The following PACRG variants were observed in gnomAD, a reference collection of about 807,000 sequenced individuals.
PACRG encodes parkin coregulated, also known as parkin coregulated gene protein.
PACRG carries 29 observed loss-of-function variants against 29.7 expected under a neutral mutation model. The observed-to-expected ratio is 0.98, with a 90% CI of 0.73 to 1.33. The LOEUF is 1.33. Ranked by LOEUF, PACRG falls within the 40% of genes most tolerant of loss-of-function variation. PACRG has a pLI of 0.00. For synonymous variants in PACRG, 116 were observed against 118.7 expected (o/e 0.98, Z 0.15); for missense variants, 279 against 316.2 (o/e 0.88, Z 0.89).
intron 1 of PACRG, among the ~76,000 whole-genome samples, chr6:162,745,471 A>G (rs1297931076): frequency 6.6e-6 from 1 of 152,208 alleles, no homozygotes; most frequent in East Asian, 1.9e-4. Flanking sequence ...TGATAGGTGC[A>G]GCAAATCACC....
chr6:163,058,002 G>C (rs1157448874), intron 2 of PACRG, among the ~76,000 whole-genome samples: 2 of 152,074 alleles, frequency 1.3e-5, no homozygotes, highest in Non-Finnish European at 2.9e-5. Flanking sequence ...TGCCCTGTTA[G>C]AAAAGAAAAC....
chr6:162,786,334 A>G (rs550419653), intron 1 of PACRG, among the ~76,000 whole-genome samples: 60 of 152,312 alleles, frequency 3.9e-4, no homozygotes, highest in African/African-American at 1.4e-3. Context: ...AGCAGAGACT[A>G]ATTACTCTTA....
At chr6:162,896,699 T>A (rs145145189) in intron 2 of PACRG, among the ~76,000 whole-genome samples, 7 of 152,244 alleles carry the variant, frequency 4.6e-5, no homozygotes, top group Non-Finnish European at 7.3e-5. Context: ...TTTTCCTTTG[T>A]ATGACACAAT....
intron 4 of PACRG, among the ~76,000 whole-genome samples, chr6:163,150,975 G>A (rs1778061797): frequency 6.6e-6 from 1 of 152,132 alleles, no homozygotes; most frequent in Admixed American, 6.5e-5. Context: ...TCTTTTAAAA[G>A]TAAATCTCTT....
chr6:163,196,089 C>T (rs949610582), intron 4 of PACRG, among the ~76,000 whole-genome samples: 5 of 152,220 alleles, frequency 3.3e-5, no homozygotes, highest in African/African-American at 1.2e-4. Context: ...CATCTCCTGC[C>T]CACCTCAAAA....
At chr6:162,765,496 G>A (rs947421271) in intron 1 of PACRG, among the ~76,000 whole-genome samples, 2 of 152,040 alleles carry the variant, frequency 1.3e-5, no homozygotes, top group East Asian at 1.9e-4. Context: ...CCACTTGACC[G>A]GTGACCTGTG....
chr6:163,101,283 G>C, intron 4 of PACRG: 1 of 982,466 alleles, frequency 1.0e-6, no homozygotes, highest in Non-Finnish European at 1.2e-6. Flanking sequence ...CATAATGACA[G>C]GATTATTGCC....
At chr6:162,977,720 T>C (rs538085698) in intron 2 of PACRG, among the ~76,000 whole-genome samples, 33 of 152,322 alleles carry the variant, frequency 2.2e-4, no homozygotes, top group South Asian at 4.1e-4. Context: ...GTTGGGAATA[T>C]GAAGTGTTAA....
chr6:163,314,760 A>T (rs757287121), intron 4 of PACRG, 67 bp from the exon 5 acceptor site: 45 of 1,537,182 alleles, frequency 2.9e-5, no homozygotes, highest in Non-Finnish European at 3.4e-5. Context: ...AAATGCCTAG[A>T]CTGTGTAGGA....
rs140998555 is a variant in PACRG, at chr6:162,786,510, A to G, written c.157-27637A>G. On this transcript the variant is annotated intron_variant, in intron 1 of 4. Coordinates refer to ENST00000366888, the MANE Select transcript of PACRG (RefSeq NM_001080379.2). ...TCATAAAAGCCTTATATGGGCAACCATCTATTATCTCATTCCCATAAGTTA... is the reference window on the plus strand; with the variant it reads ...TCATAAAAGCCTTATATGGGCAACCGTCTATTATCTCATTCCCATAAGTTA... 6.2e-3 allele frequency among the ~76,000 whole-genome samples: 945 copies of G among 152,338 alleles called. 2 individuals are homozygous for G. Among genetic ancestry groups the G allele is most frequent in the Non-Finnish European group, 8.8e-3 (600 of 68,032 alleles).
chr6:162,990,179 A>G (rs1803315258), intron 2 of PACRG, among the ~76,000 whole-genome samples: 1 of 151,524 alleles, frequency 6.6e-6, no homozygotes, highest in African/African-American at 2.4e-5. Flanking sequence ...TGCTATTGTG[A>G]ATAATGCTGC....
intron 4 of PACRG, among the ~76,000 whole-genome samples, chr6:163,236,515 A>G (rs9456847): frequency 0.72 from 109,763 of 152,158 alleles, 40,501 homozygotes; most frequent in African/African-American, 0.88. Flanking sequence ...ACAAGTGCAG[A>G]TGAACTTCAT....
intron 4 of PACRG, among the ~76,000 whole-genome samples, chr6:163,253,297 CAAAAA>C (rs576001593): frequency 6.0e-5 from 3 of 50,134 alleles, no homozygotes; most frequent in Non-Finnish European, 9.0e-5. Context: ...GAGACTGTCT[CAAAAA>C]AAAAAAAAAA....
chr6:163,279,332 T>A (rs941325866), intron 4 of PACRG, among the ~76,000 whole-genome samples: 1 of 152,202 alleles, frequency 6.6e-6, no homozygotes, highest in Non-Finnish European at 1.5e-5. Flanking sequence ...TTTATTTCTT[T>A]CTCTTGTCTG....
chr6:163,187,450 C>T (rs1189998347), intron 4 of PACRG, among the ~76,000 whole-genome samples: 3 of 152,288 alleles, frequency 2.0e-5, no homozygotes, highest in Non-Finnish European at 4.4e-5. Context: ...CGCCTCTCAA[C>T]TGAGAGCCCG....
chr6:163,290,264 GCACGCGCGCGCGCGCACACACA>G (rs1784543764), intron 4 of PACRG, among the ~76,000 whole-genome samples: 1 of 128,868 alleles, frequency 7.8e-6, no homozygotes, highest in South Asian at 2.5e-4. Flanking sequence ...ATGTGCGCAT[GCACGCGCGCGCGCGCACACACA>G]CACACACACA....
intron 2 of PACRG, among the ~76,000 whole-genome samples, chr6:162,946,724 C>T (rs1313933649): frequency 6.6e-6 from 1 of 151,882 alleles, no homozygotes; most frequent in Non-Finnish European, 1.5e-5. Context: ...CACAAAAATC[C>T]CCAACAAAAT....
At chr6:162,941,880 A>G (rs941811490) in intron 2 of PACRG, among the ~76,000 whole-genome samples, 3 of 152,192 alleles carry the variant, frequency 2.0e-5, no homozygotes, top group Non-Finnish European at 4.4e-5. Flanking sequence ...AAAAGAAAAA[A>G]AGCCAGTTGC....
intron 2 of PACRG, among the ~76,000 whole-genome samples, chr6:162,887,864 C>T (rs906021760): frequency 6.6e-6 from 1 of 152,134 alleles, no homozygotes; most frequent in Admixed American, 6.5e-5. Context: ...GAGGCTCAGT[C>T]CTCAGTCTTG....
Sources: gnomAD v4.1 joint callset for allele counts (sites outside exome capture counted in the v4.1 genomes callset) on GRCh38, gnomAD v4.1.1 for gene constraint, MANE v1.5 for transcripts, NCBI Gene and HGNC (gene_info 2026-07-23, HGNC 2026-07-21) for gene names.